Variants in ADAM23 observed in about 807,000 individuals in gnomAD.
ADAM23 encodes the protein ADAM metallopeptidase domain 23.
In ADAM23, 33 loss-of-function variants were observed where a neutral mutation model predicts 120.1. The observed-to-expected ratio is 0.27, with a 90% CI of 0.21 to 0.37. The LOEUF (loss-of-function observed/expected upper bound fraction) is 0.37, where lower values mean the gene tolerates loss of function less well. Among genes scored for constraint, ADAM23 ranks in the 10% least tolerant of loss-of-function variants. The probability of loss-of-function intolerance (pLI) is 1.00; values close to 1 mark genes in which losing one functional copy is unlikely to be tolerated. For synonymous variants in ADAM23, 367 were observed against 375.2 expected (o/e 0.98, Z 0.25); for missense variants, 862 against 1,058.2 (o/e 0.81, Z 2.57).
chr2:206,579,325 AG>A (rs1372800181), intron 18 of ADAM23, among the ~76,000 whole-genome samples: 5 of 152,094 alleles, frequency 3.3e-5, no homozygotes, highest in Admixed American at 2.0e-4. Context: ...AATGTCTAGA[AG>A]GGTTTTTCAA....
chr2:206,443,744 GC>G lies in ADAM23; in HGVS notation c.-118del. On this transcript the variant is annotated 5_prime_UTR_variant, in exon 1 of 26. Coordinates refer to ENST00000264377, the MANE Select transcript of ADAM23 (RefSeq NM_003812.4). ...CCGCGCCCCGTGCCCCGAGCCCGGAGCCCCCTGCCCGCCGCGGCACCATGCG... is the reference window on the plus strand; with the variant it reads ...CCGCGCCCCGTGCCCCGAGCCCGGAGCCCCTGCCCGCCGCGGCACCATGCG... The G allele has an allele frequency of 2.8e-6, 1 of 356,308 alleles. No homozygotes were observed. The highest frequency in any genetic ancestry group is 1.1e-4 in the South Asian group (1 of 9,124). 22.1% of individuals were successfully genotyped at this position (356,308 alleles called of 1,614,324 possible).
intron 2 of ADAM23, among the ~76,000 whole-genome samples, chr2:206,452,047 T>C (rs929705400): frequency 2.0e-5 from 3 of 152,200 alleles, no homozygotes; most frequent in African/African-American, 7.2e-5. Context: ...ATGATTTCTC[T>C]TGAAGAATCA....
At chr2:206,560,346 G>A (rs763144877) in intron 11 of ADAM23, among the ~76,000 whole-genome samples, 3 of 151,820 alleles carry the variant, frequency 2.0e-5, no homozygotes, top group Non-Finnish European at 4.4e-5. Flanking sequence ...CCATCCTCAA[G>A]ATCAACTCAC....
intron 3 of ADAM23, among the ~76,000 whole-genome samples, chr2:206,512,523 A>G (rs981433906): frequency 1.3e-5 from 2 of 152,262 alleles, no homozygotes; most frequent in Non-Finnish European, 2.9e-5. Flanking sequence ...AATTTATAAT[A>G]CTGATCTGAC....
intron 2 of ADAM23, among the ~76,000 whole-genome samples, chr2:206,462,683 C>T (rs1695450525): frequency 6.6e-6 from 1 of 152,012 alleles, no homozygotes; most frequent in Non-Finnish European, 1.5e-5. Flanking sequence ...TAAGGATTTG[C>T]CGGGAGCTCC....
At chr2:206,610,049 T>A (rs1698798891) in intron 25 of ADAM23, 49 bp downstream of exon 25, 1 of 1,460,496 alleles carries the variant, frequency 6.8e-7, no homozygotes, top group African/African-American at 1.5e-5. Context: ...CATTTCTCTT[T>A]TCTGCTTACA....
At chr2:206,611,599 G>T (rs192924570) in intron 25 of ADAM23, among the ~76,000 whole-genome samples, 1 of 152,068 alleles carries the variant, frequency 6.6e-6, no homozygotes, top group African/African-American at 2.4e-5. Context: ...AAGAAATCCC[G>T]GTTTCAAAGG....
intron 24 of ADAM23, among the ~76,000 whole-genome samples, chr2:206,601,527 C>T (rs1698639816): frequency 6.6e-6 from 1 of 152,244 alleles, no homozygotes; most frequent in South Asian, 2.1e-4. Flanking sequence ...GATCCCAACA[C>T]TTTAGGAAGC....
At chr2:206,529,484 G>T (rs776247067) in intron 3 of ADAM23, among the ~76,000 whole-genome samples, 3 of 151,758 alleles carry the variant, frequency 2.0e-5, no homozygotes, top group Non-Finnish European at 4.4e-5. Context: ...CTGCAGCCTC[G>T]ATCTTCTGGG....
chr2:206,574,044 G>T (rs1698062757), intron 18 of ADAM23, among the ~76,000 whole-genome samples: 1 of 151,964 alleles, frequency 6.6e-6, no homozygotes, highest in Admixed American at 6.6e-5. Flanking sequence ...AATTACTTTT[G>T]CACCAACCAA....
intron 6 of ADAM23, among the ~76,000 whole-genome samples, chr2:206,544,661 G>A (rs2105809057): frequency 6.6e-6 from 1 of 150,458 alleles, no homozygotes; most frequent in Admixed American, 6.6e-5. Flanking sequence ...CGCCTAGGCT[G>A]GAGTGCAGTG....
chr2:206,510,024 C>T (rs1384817520), intron 3 of ADAM23, among the ~76,000 whole-genome samples: 1 of 152,180 alleles, frequency 6.6e-6, no homozygotes, highest in Admixed American at 6.5e-5. Context: ...ACCCAATTGA[C>T]TGCAGTTAGT....
intron 2 of ADAM23, among the ~76,000 whole-genome samples, chr2:206,446,106 A>G (rs982361953): frequency 6.0e-4 from 91 of 152,370 alleles, no homozygotes; most frequent in African/African-American, 1.6e-3. Context: ...AATTATTTGC[A>G]TAATATGAAG....
At chr2:206,493,294 T>A (rs1696169182) in intron 3 of ADAM23, among the ~76,000 whole-genome samples, 1 of 152,252 alleles carries the variant, frequency 6.6e-6, no homozygotes, top group South Asian at 2.1e-4. Flanking sequence ...GTTCTAATGC[T>A]TCTTCCATGA....
At chr2:206,509,871 T>C (rs1311291771) in intron 3 of ADAM23, among the ~76,000 whole-genome samples, 1 of 152,246 alleles carries the variant, frequency 6.6e-6, no homozygotes, top group East Asian at 1.9e-4. Flanking sequence ...CAAGTATCAG[T>C]AGTGGCTGTG....
intron 2 of ADAM23, among the ~76,000 whole-genome samples, chr2:206,467,044 C>T (rs934072092): frequency 5.9e-5 from 9 of 152,150 alleles, no homozygotes; most frequent in East Asian, 1.9e-4. Flanking sequence ...CATGGAAAAC[C>T]GCTTGCGTGA....
intron 2 of ADAM23, among the ~76,000 whole-genome samples, chr2:206,454,442 T>G (rs1314257883): frequency 6.6e-6 from 1 of 152,162 alleles, no homozygotes; most frequent in African/African-American, 2.4e-5. Context: ...ACATGAGATT[T>G]GGGTGGGGAC....
Position 206,523,687 on chromosome 2 carries a change from TTC to T in ADAM23, c.510-7196_510-7195del, listed in dbSNP as rs1282854306. On this transcript the variant is annotated intron_variant, in intron 3 of 25. Coordinates refer to ENST00000264377, the MANE Select transcript of ADAM23 (RefSeq NM_003812.4). Reference sequence around the variant, plus strand: ...GAAAAATTGTTATACTTTTAAAGTCTTCTGTTACAAAAAGAAAAGAAATATAA... The same window carrying T: ...GAAAAATTGTTATACTTTTAAAGTCTTGTTACAAAAAGAAAAGAAATATAA... Among the ~76,000 whole-genome samples, 5 of 152,298 alleles carry T rather than the reference TTC, an allele frequency of 3.3e-5. No individual in the cohort carries two copies. In the East Asian group the frequency reaches 9.6e-4, roughly 29 times the overall value.
chr2:206,469,516 C>G (rs561272611), intron 2 of ADAM23, among the ~76,000 whole-genome samples: 1 of 152,320 alleles, frequency 6.6e-6, no homozygotes, highest in African/African-American at 2.4e-5. Flanking sequence ...TCTCTTAAGG[C>G]TACTCTGCTT....
Sources: allele counts gnomAD v4.1 joint callset (sites outside exome capture counted in the v4.1 genomes callset), GRCh38; gene constraint gnomAD v4.1.1; transcripts MANE v1.5; gene names NCBI Gene and HGNC (gene_info 2026-07-23, HGNC 2026-07-21).